Variants in NXPE2 observed in about 807,000 individuals in gnomAD.
NXPE2 encodes the protein neurexophilin and PC-esterase domain family member 2.
Under a neutral mutation model 34.4 loss-of-function variants are expected in NXPE2, and 34 were observed. That is an observed-to-expected ratio of 0.99 (90% CI 0.75 to 1.31). The LOEUF is 1.31. Ranked by LOEUF, NXPE2 falls within the 40% of genes most tolerant of loss-of-function variation. The pLI is 0.00. For missense variants in NXPE2, 649 were observed against 672.5 expected (o/e 0.97, Z 0.39); for synonymous variants, 235 against 231.3 (o/e 1.02, Z -0.15).
chr11:114,753,302 A>G, the NXPE2 span, among the ~76,000 whole-genome samples: 1 of 152,160 alleles, frequency 6.6e-6, no homozygotes, highest in African/African-American at 2.4e-5. Flanking sequence ...CTGACCAGGG[A>G]GGATCCCTTG....
At chr11:114,582,522 T>C in the NXPE2 span, 1 of 1,614,154 alleles carries the variant, frequency 6.2e-7, no homozygotes, top group Non-Finnish European at 8.5e-7. Context: ...CACCCTGTCA[T>C]AGCCTTGGTT....
chr11:114,765,914 C>A, the NXPE2 span, among the ~76,000 whole-genome samples: 1 of 152,182 alleles, frequency 6.6e-6, no homozygotes, highest in Non-Finnish European at 1.5e-5. Flanking sequence ...CTTGTCCTTG[C>A]TATTTTAACC....
chr11:114,713,058 A>G, the NXPE2 span, among the ~76,000 whole-genome samples: 2 of 152,212 alleles, frequency 1.3e-5, no homozygotes, highest in East Asian at 3.9e-4. Flanking sequence ...TTCCACTCCT[A>G]TGATGTATTC....
the NXPE2 span, among the ~76,000 whole-genome samples, chr11:114,631,582 G>T: frequency 6.6e-6 from 1 of 151,766 alleles, no homozygotes; most frequent in African/African-American, 2.4e-5. Context: ...TAGATGACGA[G>T]TTAGTGGGTG....
chr11:114,748,261 G>T, the NXPE2 span, among the ~76,000 whole-genome samples: 1 of 152,128 alleles, frequency 6.6e-6, no homozygotes, highest in Non-Finnish European at 1.5e-5. Flanking sequence ...GGAGTAAATT[G>T]CCTATGTGTT....
chr11:114,733,544 A>G, the NXPE2 span, among the ~76,000 whole-genome samples: 2 of 152,080 alleles, frequency 1.3e-5, no homozygotes, highest in African/African-American at 2.4e-5. Flanking sequence ...AGGTATACCT[A>G]TTTTGGAGGG....
the NXPE2 span, among the ~76,000 whole-genome samples, chr11:114,748,092 A>C: frequency 6.6e-6 from 1 of 152,142 alleles, no homozygotes; most frequent in Admixed American, 6.5e-5. Context: ...TATTTCACTA[A>C]GCATCTTTCT....
chr11:114,650,761 A>C, the NXPE2 span, among the ~76,000 whole-genome samples: 1 of 152,134 alleles, frequency 6.6e-6, no homozygotes, highest in Non-Finnish European at 1.5e-5. Flanking sequence ...GGTTGCCACA[A>C]GAAGGAGGAG....
the NXPE2 span, among the ~76,000 whole-genome samples, chr11:114,480,825 A>G: frequency 6.6e-6 from 1 of 152,138 alleles, no homozygotes; most frequent in Non-Finnish European, 1.5e-5. Flanking sequence ...TTAATTTGTG[A>G]CTTTTTAATT....
chr11:114,498,485 T>C, the NXPE2 span, among the ~76,000 whole-genome samples: 1 of 152,082 alleles, frequency 6.6e-6, no homozygotes, highest in Non-Finnish European at 1.5e-5. Flanking sequence ...AAAAAATTAT[T>C]GTCCTTCATT....
At chr11:114,551,107 G>A in the NXPE2 span, 2 of 1,498,790 alleles carry the variant, frequency 1.3e-6, no homozygotes, top group Non-Finnish European at 1.8e-6. Flanking sequence ...TCCTACCTTT[G>A]TGAAGTTCTG....
chr11:114,580,086 G>T, the NXPE2 span: 13 of 1,469,018 alleles, frequency 8.8e-6, no homozygotes, highest in East Asian at 2.3e-5. Context: ...AAATGGAAAA[G>T]AAGTTTCTGA....
intron 4 of NXPE2, among the ~76,000 whole-genome samples, chr11:114,705,128 T>C (rs1186228326): frequency 1.3e-5 from 2 of 152,154 alleles, no homozygotes; most frequent in Admixed American, 6.6e-5. Flanking sequence ...GAAAACTCAA[T>C]AGGAGTCAGT....
chr11:114,652,709 T>C, the NXPE2 span, among the ~76,000 whole-genome samples: 1 of 152,080 alleles, frequency 6.6e-6, no homozygotes, highest in African/African-American at 2.4e-5. Context: ...GAACCTGACT[T>C]GCTGAATGAA....
At chr11:114,648,318 C>G in the NXPE2 span, among the ~76,000 whole-genome samples, 20 of 152,038 alleles carry the variant, frequency 1.3e-4, no homozygotes, top group African/African-American at 4.8e-4. Flanking sequence ...GTTGAAGGTC[C>G]AGGAAGAGCC....
the NXPE2 span, among the ~76,000 whole-genome samples, chr11:114,654,045 G>A: frequency 2.3e-3 from 351 of 152,296 alleles, 1 homozygote; most frequent in African/African-American, 8.0e-3. Flanking sequence ...ATCAAGTTAT[G>A]TTTGGTAATG....
chr11:114,472,977 A>T, the NXPE2 span, among the ~76,000 whole-genome samples: 2 of 152,014 alleles, frequency 1.3e-5, no homozygotes, highest in African/African-American at 4.8e-5. Flanking sequence ...TTCAAGTGCA[A>T]TTTTTTTTAT....
the NXPE2 span, among the ~76,000 whole-genome samples, chr11:114,620,724 G>T: frequency 6.6e-6 from 1 of 152,048 alleles, no homozygotes; most frequent in Admixed American, 6.5e-5. Context: ...TGCCTCTTGG[G>T]TAACCACAGT....
At chr11:114,531,552 C>T in the NXPE2 span, among the ~76,000 whole-genome samples, 1 of 152,214 alleles carries the variant, frequency 6.6e-6, no homozygotes, top group Non-Finnish European at 1.5e-5. Flanking sequence ...ACTTAACCCC[C>T]TTCAATGGCT....
Sources: gnomAD v4.1 joint callset for allele counts (sites outside exome capture counted in the v4.1 genomes callset) on GRCh38, gnomAD v4.1.1 for gene constraint, MANE v1.5 for transcripts, NCBI Gene and HGNC (gene_info 2026-07-23, HGNC 2026-07-21) for gene names.